The following KMT2E variants were observed in gnomAD, a reference collection of about 807,000 sequenced individuals.
KMT2E encodes lysine methyltransferase 2E (inactive), also known as histone reader KMT2E.
KMT2E carries 30 observed loss-of-function variants against 184.6 expected under a neutral mutation model. The observed-to-expected ratio is 0.16, with a 90% CI of 0.12 to 0.22. KMT2E has a LOEUF of 0.22. KMT2E is among the 10% of genes least tolerant of loss of function. The probability of loss-of-function intolerance (pLI) is 1.00; values close to 1 mark genes in which losing one functional copy is unlikely to be tolerated. For synonymous variants in KMT2E, 815 were observed against 776.5 expected (o/e 1.05, Z -0.82); for missense variants, 2,023 against 2,237.4 (o/e 0.90, Z 1.93).
At position 105,112,378 on chromosome 7, in the gene KMT2E, G is replaced by C. The variant is rs1195601140; in HGVS notation, c.4622G>C (p.Ser1541Thr). Residue 1541 changes from serine to threonine, a missense_variant, in exon 27 of 27, where the codon AGC (serine) becomes ACC (threonine). Around this residue, in one of 8 missense-constraint regions of KMT2E, gnomAD observed 1,108 missense variants for 1,050.9 expected, o/e 1.05. Transcript: ENST00000311117. Reference sequence around the variant, plus strand: ...CAGTTTAACCAACAAAGTCTGAACAGCACGGCACCACCCCCTCCACCTCCT... The same window carrying C: ...CAGTTTAACCAACAAAGTCTGAACACCACGGCACCACCCCCTCCACCTCCT... ...YSQFNQQSLN[S>T]TAPPPPPPPP... 2.5e-6 allele frequency: 4 copies of C among 1,612,806 alleles called. No homozygotes were observed. The Admixed American group carries it at 6.7e-5, about 27-fold the overall frequency.
At chr7:105,046,882 G>A (rs1584723200) in intron 3 of KMT2E, among the ~76,000 whole-genome samples, 1 of 152,310 alleles carries the variant, frequency 6.6e-6, no homozygotes, top group Middle Eastern at 3.4e-3. Context: ...AAGTTGATGT[G>A]TCAAATGTGA....
At position 105,105,972 on chromosome 7, in the gene KMT2E, A is replaced by C; in HGVS notation, c.2565A>C (p.Pro855=). The change falls in exon 19 of 27, where the codon CCA becomes CCC. Residue 855 remains proline (P), a synonymous_variant. Coordinates refer to ENST00000311117, the MANE Select transcript of KMT2E (RefSeq NM_182931.3). ...CAGTCAATGGTGAAAATAAAAGTCC[A>C]CTACTATTAAATGACAGCTGTTCCC... ...SPAVNGENKS[P]LLLNDSCSLP... is the part of the protein sequence containing the mutation. The C allele has an allele frequency of 6.2e-7, 1 of 1,612,364 alleles. No individual in the cohort carries two copies. Among genetic ancestry groups the C allele is most frequent in the Non-Finnish European group, 8.5e-7 (1 of 1,179,520 alleles).
At chr7:105,072,679 G>T (rs1203020932) in intron 6 of KMT2E, among the ~76,000 whole-genome samples, 1 of 152,176 alleles carries the variant, frequency 6.6e-6, no homozygotes, top group Non-Finnish European at 1.5e-5. Context: ...ACTTTGGGAG[G>T]CCGAGGTGGG....
intron 13 of KMT2E, among the ~76,000 whole-genome samples, chr7:105,085,001 ACTACTAT>A (rs1031772091): frequency 1.3e-5 from 2 of 151,570 alleles, no homozygotes; most frequent in Non-Finnish European, 2.9e-5. Context: ...GATAGAATAG[ACTACTAT>A]CTACATGCAT....
rs764047509 is a variant in KMT2E at position 105,107,621 on chromosome 7, C to T, written c.3164C>T (p.Ser1055Leu). ...GCTGAGCCCAACAGCCAACTGGACT[C>T]GACTCACTCTGGACGGGGCACAATG... The part of the protein sequence containing the change: ...DRAEPNSQLD[S>L]THSGRGTMYS... Residue 1055 changes from serine (S) to leucine (L), a missense_variant, in exon 22 of 27, where the codon TCG becomes TTG. This residue lies in a region of KMT2E where 1,108 missense variants were observed against 1,050.9 expected (regional missense o/e 1.05). Transcript: ENST00000311117. 8.7e-6 allele frequency: 14 copies of T among 1,613,988 alleles called. 1 individual carries two copies. The highest frequency in any genetic ancestry group is 2.2e-5 in the South Asian group (2 of 91,086).
At position 105,112,808 on chromosome 7, in the gene KMT2E, T is replaced by A; in HGVS notation, c.5052T>A (p.Pro1684=). Reference sequence around the variant, plus strand: ...ACTTACCCCCACCCCCACCCCCTCCTGGTCCTGCCCCTCATCACCATCCAC... The same window carrying A: ...ACTTACCCCCACCCCCACCCCCTCCAGGTCCTGCCCCTCATCACCATCCAC... ...GHHLPPPPPP[P]GPAPHHHPPP... Residue 1684 remains proline, a synonymous_variant, in exon 27 of 27, where the codon CCT becomes CCA. Transcript: ENST00000311117. The A allele has an allele frequency of 2.0e-6, 1 of 489,688 alleles. No individual in the cohort carries two copies. Among genetic ancestry groups the A allele is most frequent in the Non-Finnish European group, 2.9e-6 (1 of 346,518 alleles). The allele number at this position is 489,688 out of a possible 1,614,324, so 30.3% of individuals were successfully genotyped here.
At chr7:105,108,887 C>A in intron 22 of KMT2E, 55 bp from the exon 23 acceptor site, 2 of 1,441,912 alleles carry the variant, frequency 1.4e-6, no homozygotes, top group South Asian at 1.3e-5. Context: ...TGCATTGGTT[C>A]TGACATAAAA....
intron 6 of KMT2E, among the ~76,000 whole-genome samples, chr7:105,070,164 G>T (rs2129567660): frequency 6.6e-6 from 1 of 152,176 alleles, no homozygotes; most frequent in African/African-American, 2.4e-5. Flanking sequence ...GTTTTTGTGT[G>T]AACCTAAGTT....
In KMT2E at chr7:105,110,878, T is replaced by C. The variant is rs377157890; in HGVS notation, c.4068+10T>C. ...TCCAAAAATGAGCAAGGTAATAACA[T>C]TGACCTTTCGATGGGTTCCAAAGGA... On this transcript the variant is annotated intron_variant, in intron 26 of 26. Transcript: ENST00000311117. 8 of 1,593,052 alleles carry C rather than the reference T, an allele frequency of 5.0e-6. No homozygotes were observed. The highest frequency in any genetic ancestry group is 4.5e-5 in the East Asian group (2 of 44,734).
intron 1 of KMT2E, among the ~76,000 whole-genome samples, chr7:105,026,617 T>A (rs1795187966): frequency 6.6e-6 from 1 of 152,196 alleles, no homozygotes; most frequent in Admixed American, 6.5e-5. Context: ...TACAGTAACC[T>A]AGTTGCTGTA....
At chr7:105,087,331 A>G (rs927381717) in intron 13 of KMT2E, among the ~76,000 whole-genome samples, 32 of 146,872 alleles carry the variant, frequency 2.2e-4, no homozygotes, top group Admixed American at 8.2e-4. Context: ...TATATTACAT[A>G]TATGCTAGCT....
At chr7:105,036,075 G>A (rs10268866) in intron 1 of KMT2E, among the ~76,000 whole-genome samples, 39,383 of 151,664 alleles carry the variant, frequency 0.26, 7,244 homozygotes, top group East Asian at 0.58. Context: ...TTTTGAGAGA[G>A]GCAGCTGTCA....
Position 105,052,445 on chromosome 7 carries a change from G to T in KMT2E, c.72-9719G>T, listed in dbSNP as rs1255352238. Reference sequence around the variant, plus strand: ...TAAGCTTTATGACTATAAACATCTTGTCTGTTTTATCACTAATATCATTGT... The same window carrying T: ...TAAGCTTTATGACTATAAACATCTTTTCTGTTTTATCACTAATATCATTGT... On this transcript the variant is annotated intron_variant, in intron 3 of 26. Transcript: ENST00000311117. Among the ~76,000 whole-genome samples the T allele has an allele frequency of 4.6e-5, 7 of 152,072 alleles. No individual in the cohort carries two copies. In the East Asian group the frequency reaches 1.3e-3, roughly 29 times the overall value.
At chr7:105,098,559 C>T (rs1798520566) in intron 15 of KMT2E, among the ~76,000 whole-genome samples, 1 of 152,146 alleles carries the variant, frequency 6.6e-6, no homozygotes, top group South Asian at 2.1e-4. Flanking sequence ...GCGCGTGCCA[C>T]ACCTGGCTAA....
intron 3 of KMT2E, among the ~76,000 whole-genome samples, chr7:105,050,703 C>CTTTCTTTCTTTCTCTT (rs1333975106): frequency 7.2e-6 from 1 of 138,336 alleles, no homozygotes; most frequent in East Asian, 2.2e-4. Flanking sequence ...TTCTCTCTTT[C>CTTTCTTTCTTTCTCTT]TCTCTCTTTC....
At chr7:105,062,308 A>T (rs907961135) in intron 4 of KMT2E, 30 bp downstream of exon 4, 5 of 1,452,392 alleles carry the variant, frequency 3.4e-6, no homozygotes, top group Non-Finnish European at 4.8e-6. Context: ...TTGAAAAAAC[A>T]TTTTTAAATT....
chr7:105,018,759 G>A (rs1410501649), intron 1 of KMT2E, among the ~76,000 whole-genome samples: 1 of 152,040 alleles, frequency 6.6e-6, no homozygotes, highest in Non-Finnish European at 1.5e-5. Flanking sequence ...GTTCTGTAAT[G>A]TGCAGATGTT....
At chr7:105,027,363 G>A (rs1436849414) in intron 1 of KMT2E, among the ~76,000 whole-genome samples, 2 of 152,094 alleles carry the variant, frequency 1.3e-5, no homozygotes, top group Non-Finnish European at 2.9e-5. Context: ...AAGCTGGAAG[G>A]TGAAAGTGAG....
At chr7:105,089,323 C>T (rs754369480) in intron 13 of KMT2E, 4 of 385,866 alleles carry the variant, frequency 1.0e-5, no homozygotes, top group South Asian at 3.6e-5. Context: ...CTTAGCCTAT[C>T]GCGTAGCCAG....
Sources: gnomAD v4.1 joint callset for allele counts (sites outside exome capture counted in the v4.1 genomes callset) on GRCh38, gnomAD v4.1.1 for gene constraint, gnomAD v4.1.1 regional missense constraint, MANE v1.5 for transcripts, NCBI Gene and HGNC (gene_info 2026-07-23, HGNC 2026-07-21) for gene names.